LGALS13: variants seen among roughly 807,000 people sequenced by gnomAD.
LGALS13 encodes galectin 13, also known as galactoside-binding soluble lectin 13.
A neutral mutation model predicts 13.2 loss-of-function variants in LGALS13; 11 were observed. The observed-to-expected ratio is 0.83, with a 90% confidence interval of 0.52 to 1.38. The LOEUF is 1.38. LGALS13 is among the 40% of genes most tolerant of loss of function. The pLI, the probability that LGALS13 is intolerant of heterozygous loss-of-function variation, is 0.00. For missense variants in LGALS13, 183 were observed against 174.3 expected (o/e 1.05, Z -0.28); for synonymous variants, 71 against 63.7 (o/e 1.11, Z -0.54).
intron 1 of LGALS13, among the ~76,000 whole-genome samples, chr19:39,604,221 C>T (rs1215841187): frequency 2.0e-5 from 3 of 152,170 alleles, no homozygotes; most frequent in Admixed American, 6.5e-5. Flanking sequence ...AGAGGCCCTA[C>T]GCATGACAGG....
intron 1 of LGALS13, among the ~76,000 whole-genome samples, chr19:39,604,308 C>A (rs1367548601): frequency 6.6e-6 from 1 of 152,028 alleles, no homozygotes; most frequent in East Asian, 1.9e-4. Context: ...CCTGATAATC[C>A]TCGTTGTCCT....
Position 39,605,331 on chromosome 19 carries a change from C to T in LGALS13, c.246C>T (p.Pro82=). ...TGGAGGAGACAACAGACTACGTGCCCTTTGAGGATGGCAAACAATTTGAGC... is the reference window on the plus strand; with the variant it reads ...TGGAGGAGACAACAGACTACGTGCCTTTTGAGGATGGCAAACAATTTGAGC... ...WMLEETTDYV[P]FEDGKQFELC... Residue 82 remains proline (P), a synonymous_variant, in exon 3 of 4, where the codon CCC becomes CCT. Coordinates refer to ENST00000221797, the MANE Select transcript of LGALS13 (RefSeq NM_013268.3). 1.2e-6 allele frequency: 2 copies of T among 1,614,166 alleles called. No homozygotes were observed. The highest frequency in any genetic ancestry group is 2.2e-5 in the East Asian group (1 of 44,880).
chr19:39,606,482 C>T (rs1972690426), intron 3 of LGALS13, among the ~76,000 whole-genome samples: 1 of 152,114 alleles, frequency 6.6e-6, no homozygotes. Context: ...AATACTTGTA[C>T]TAGAAGATAA....
intron 1 of LGALS13, chr19:39,603,980 C>T (rs967585793): frequency 5.1e-6 from 5 of 985,246 alleles, no homozygotes; most frequent in Non-Finnish European, 4.8e-6. Context: ...TAGTGTGTGC[C>T]CCTTCTTGGA....
intron 1 of LGALS13, 119 bp from the exon 2 acceptor site, chr19:39,604,483 G>T: frequency 1.8e-6 from 2 of 1,110,438 alleles, no homozygotes; most frequent in Non-Finnish European, 2.7e-6. Context: ...TAGGGTTAAA[G>T]AGGAGAGTCC....
At position 39,605,283 on chromosome 19, in the gene LGALS13, G is replaced by T. The variant is rs1395857937; in HGVS notation, c.198G>T (p.Arg66Ser). 15 of 1,614,064 alleles carry T rather than the reference G, an allele frequency of 9.3e-6. 1 individual carries two copies. The highest frequency in any genetic ancestry group is 6.7e-5 in the Admixed American group (4 of 60,010). ...TTGGCAATCATGTGGTCATGAACAG[G>T]CGTGAGTTTGGGATATGGATGTTGG... ...VHFGNHVVMN[R>S]REFGIWMLEE... Residue 66 changes from arginine to serine, a missense_variant, in exon 3 of 4, where the codon AGG becomes AGT. Physicochemically the swap from Arg to Ser is moderately radical, Grantham distance 110. Transcript: ENST00000221797.
At position 39,607,378 on chromosome 19, in the gene LGALS13, T is replaced by A; in HGVS notation, c.*39T>A. On this transcript the variant is annotated 3_prime_UTR_variant, in exon 4 of 4. Transcript: ENST00000221797. Reference sequence around the variant, plus strand: ...ACTCCTCATTGTTGAGGAATCCCTCTTTCTACCTGACCATGGGATTCCCAG... The same window carrying A: ...ACTCCTCATTGTTGAGGAATCCCTCATTCTACCTGACCATGGGATTCCCAG... 7.6e-7 allele frequency: 1 copy of A among 1,309,584 alleles called. No homozygotes were observed. Among genetic ancestry groups the A allele is most frequent in the Non-Finnish European group, 1.1e-6 (1 of 902,028 alleles). The allele number at this position is 1,309,584 out of a possible 1,614,324, so 81.1% of individuals were successfully genotyped here.
intron 3 of LGALS13, among the ~76,000 whole-genome samples, chr19:39,605,796 C>T (rs1972679859): frequency 6.6e-6 from 1 of 151,940 alleles, no homozygotes; most frequent in Admixed American, 6.6e-5. Flanking sequence ...ATAGGAAAAA[C>T]ATTACCAGAG....
Position 39,604,648 on chromosome 19 carries a change from TAATCAAAGGGACACC to T in LGALS13, c.67_81del (p.Lys23_Ile27del), listed in dbSNP as rs754018624. ...TCTTTGTCTGTTGGTTCCTGCGTGATAATCAAAGGGACACCAATCCACTCTTTTATGTGAGTACTC... is the reference window on the plus strand; with the variant it reads ...TCTTTGTCTGTTGGTTCCTGCGTGATAATCCACTCTTTTATGTGAGTACTC... On this transcript the variant is annotated inframe_deletion, in exon 2 of 4. Transcript: ENST00000221797. 3 of 1,614,210 alleles carry T rather than the reference TAATCAAAGGGACACC, an allele frequency of 1.9e-6. No individual in the cohort carries two copies. Among genetic ancestry groups the T allele is most frequent in the Non-Finnish European group, 2.5e-6 (3 of 1,180,046 alleles).
intron 1 of LGALS13, 117 bp from the exon 2 acceptor site, chr19:39,604,485 G>C: frequency 8.9e-7 from 1 of 1,125,662 alleles, no homozygotes. Context: ...GGGTTAAAGA[G>C]GAGAGTCCAC....
At chr19:39,603,995 T>C (rs1251658476) in intron 1 of LGALS13, 1 of 985,308 alleles carries the variant, frequency 1.0e-6, no homozygotes. Context: ...CTTGGAAGGA[T>C]GTCCATGGCC....
intron 3 of LGALS13, 62 bp from the exon 4 acceptor site, chr19:39,607,161 A>G: frequency 1.8e-6 from 2 of 1,093,826 alleles, no homozygotes; most frequent in Non-Finnish European, 2.8e-6. Context: ...GACAGAGTGG[A>G]GAGGAGGCCG....
rs1007485888 is a variant in LGALS13, at chr19:39,605,210, C to G, written c.125C>G (p.Thr42Ser). 1 of 1,614,240 alleles carries G rather than the reference C, an allele frequency of 6.2e-7. No individual in the cohort carries two copies. The highest frequency in any genetic ancestry group is 8.5e-7 in the Non-Finnish European group (1 of 1,180,044). ...CCACAGCTGCAGGTGGATTTCTACA[C>G]TGACATGGATGAGGATTCAGATATT... ...NDPQLQVDFY[T>S]DMDEDSDIAF... The change falls in exon 3 of 4, where the codon ACT becomes AGT. Residue 42 changes from threonine (T) to serine (S), a missense_variant. Physicochemically the swap from Thr to Ser is moderately conservative, Grantham distance 58. Transcript: ENST00000221797.
intron 3 of LGALS13, 43 bp downstream of exon 3, chr19:39,605,431 C>T (rs970049373): frequency 6.5e-7 from 1 of 1,527,968 alleles, no homozygotes; most frequent in Non-Finnish European, 9.1e-7. Context: ...TCTGTGGGCT[C>T]CCAAAACAGG....
In LGALS13 at chr19:39,604,672, CTT is replaced by C. The variant is rs1972655197; in HGVS notation, c.89_90del (p.Phe30TyrfsTer3). 6.2e-7 allele frequency: 1 copy of C among 1,614,174 alleles called. No homozygotes were observed. The highest frequency in any genetic ancestry group is 1.3e-5 in the African/African-American group (1 of 75,050). Reference sequence around the variant, plus strand: ...ATAATCAAAGGGACACCAATCCACTCTTTTATGTGAGTACTCCATGGTCCAAT... The same window carrying C: ...ATAATCAAAGGGACACCAATCCACTCTTATGTGAGTACTCCATGGTCCAAT... On this transcript the variant is annotated frameshift_variant, in exon 2 of 4. Transcript: ENST00000221797. LOFTEE classifies it high-confidence loss of function.
chr19:39,607,227 A>C lies in LGALS13; in HGVS notation c.308A>C (p.Lys103Thr). 6.2e-7 allele frequency: 1 copy of C among 1,613,022 alleles called. No homozygotes were observed. Among genetic ancestry groups the C allele is most frequent in the Non-Finnish European group, 8.5e-7 (1 of 1,179,026 alleles). Residue 103 changes from lysine to threonine, a missense_variant, in exon 4 of 4, where the codon AAG becomes ACG. Physicochemically the swap from Lys to Thr is moderately conservative, Grantham distance 78. Transcript: ENST00000221797. Reference protein sequence around the residue: ...IYVHYNEYEIKVNGIRIYGFV... With the variant: ...IYVHYNEYEITVNGIRIYGFV... ...GATGCATTTTTCCTCTTGTAGATAA[A>C]GGTCAATGGCATACGCATTTACGGC...
chr19:39,605,532 C>T, intron 3 of LGALS13, 144 bp downstream of exon 3: 1 of 720,542 alleles, frequency 1.4e-6, no homozygotes, highest in Non-Finnish European at 2.5e-6. Context: ...AGAGCACCCC[C>T]TGCTTGCACT....
In LGALS13 at chr19:39,607,322, G is replaced by C; in HGVS notation, c.403G>C (p.Val135Leu). Residue 135 changes from valine (V) to leucine (L), a missense_variant, in exon 4 of 4, where the codon GTG becomes CTG. Coordinates refer to ENST00000221797, the MANE Select transcript of LGALS13 (RefSeq NM_013268.3). Reference protein sequence around the residue: ...QVSRDISLTSVCVCN With the variant: ...QVSRDISLTSLCVCN ...GTCGAGAGATATCTCCCTGACCTCA[G>C]TGTGTGTCTGCAATTGAGGGAGATG... is the stretch of plus-strand genomic sequence containing the variant. 1.2e-6 allele frequency: 2 copies of C among 1,608,754 alleles called. No homozygotes were observed. The highest frequency in any genetic ancestry group is 1.7e-6 in the Non-Finnish European group (2 of 1,175,176).
intron 1 of LGALS13, chr19:39,603,832 A>T: frequency 1.6e-6 from 1 of 615,664 alleles, no homozygotes; most frequent in South Asian, 7.2e-5. Flanking sequence ...AGCCTGGGTG[A>T]CAGAGCAAGA....
Sources: allele counts gnomAD v4.1 joint callset (sites outside exome capture counted in the v4.1 genomes callset), GRCh38; gene constraint gnomAD v4.1.1; transcripts MANE v1.5; gene names NCBI Gene and HGNC (gene_info 2026-07-23, HGNC 2026-07-21).